Variants in CNTNAP2 observed in about 807,000 individuals in gnomAD.
The protein encoded by CNTNAP2 is contactin associated protein 2.
Under a neutral mutation model 155.2 loss-of-function variants are expected in CNTNAP2, and 98 were observed. That is an observed-to-expected ratio of 0.63 (90% confidence interval 0.54 to 0.75). The LOEUF is 0.75. CNTNAP2 is among the 30% of genes least tolerant of loss of function. The probability of loss-of-function intolerance (pLI) is 0.00; values close to 1 mark genes in which losing one functional copy is unlikely to be tolerated. For missense variants in CNTNAP2, 1,727 were observed against 1,688.1 expected, an observed-to-expected ratio of 1.02 and a Z score of -0.40; for synonymous variants, 651 against 631.2, an observed-to-expected ratio of 1.03 and a Z score of -0.47.
intron 15 of CNTNAP2, among the ~76,000 whole-genome samples, chr7:148,057,632 A>G (rs1230028322): frequency 1.3e-5 from 2 of 152,206 alleles, no homozygotes; most frequent in African/African-American, 4.8e-5. Context: ...AATTGTGAAT[A>G]ATAGAGAAGA....
intron 12 of CNTNAP2, among the ~76,000 whole-genome samples, chr7:147,608,086 A>G (rs1801106518): frequency 6.6e-6 from 1 of 152,046 alleles, no homozygotes; most frequent in Non-Finnish European, 1.5e-5. Flanking sequence ...GGCCTAGAAC[A>G]GTGCTTGGAA....
intron 3 of CNTNAP2, among the ~76,000 whole-genome samples, chr7:146,974,651 A>G (rs978801077): frequency 3.9e-5 from 6 of 152,172 alleles, no homozygotes; most frequent in Admixed American, 2.0e-4. Flanking sequence ...TAGTAAAAGC[A>G]TATTGATGTT....
chr7:146,512,209 C>G (rs984422347), intron 1 of CNTNAP2, among the ~76,000 whole-genome samples: 11 of 151,082 alleles, frequency 7.3e-5, no homozygotes, highest in Admixed American at 2.0e-4. Flanking sequence ...AAAGCTTTGT[C>G]AATTTTGATT....
At chr7:148,319,860 GTAA>G (rs989509882) in intron 21 of CNTNAP2, among the ~76,000 whole-genome samples, 4 of 151,610 alleles carry the variant, frequency 2.6e-5, no homozygotes, top group African/African-American at 9.7e-5. Context: ...ATATTACAAT[GTAA>G]TAATAATAAT....
chr7:146,954,438 G>A (rs1321396392), intron 3 of CNTNAP2, among the ~76,000 whole-genome samples: 1 of 151,880 alleles, frequency 6.6e-6, no homozygotes, highest in Non-Finnish European at 1.5e-5. Flanking sequence ...AGGAAGCAAT[G>A]AACTATAATG....
chr7:146,762,546 C>T (rs1287272466), intron 1 of CNTNAP2, among the ~76,000 whole-genome samples: 1 of 152,140 alleles, frequency 6.6e-6, no homozygotes, highest in Admixed American at 6.5e-5. Flanking sequence ...TTGCAGTGAG[C>T]TGAGATCGTG....
chr7:147,761,541 T>C (rs1386950168), intron 13 of CNTNAP2, among the ~76,000 whole-genome samples: 1 of 152,190 alleles, frequency 6.6e-6, no homozygotes, highest in East Asian at 1.9e-4. Flanking sequence ...TGCCATTAAT[T>C]CATCCAACCC....
chr7:147,273,608 G>A lies in CNTNAP2; in HGVS notation c.1349-26533G>A, dbSNP rs1804814035. Among the ~76,000 whole-genome samples, 4 of 151,866 alleles carry A rather than the reference G, an allele frequency of 2.6e-5. No individual in the cohort carries two copies. In the South Asian group the frequency reaches 8.3e-4, roughly 31 times the overall value. ...TCTCACTTATAAGTAAGAACATGAAGTATTTGATTTTCTATTTCTGAGTTA... is the reference window on the plus strand; with the variant it reads ...TCTCACTTATAAGTAAGAACATGAAATATTTGATTTTCTATTTCTGAGTTA... On this transcript the variant is annotated intron_variant, in intron 8 of 23. Transcript: ENST00000361727.
intron 1 of CNTNAP2, among the ~76,000 whole-genome samples, chr7:146,718,695 C>A (rs927529514): frequency 6.6e-6 from 1 of 152,162 alleles, no homozygotes; most frequent in Non-Finnish European, 1.5e-5. Context: ...GTTCTCTCTT[C>A]TCAGTATTAG....
At chr7:146,731,785 T>A (rs1801530161) in intron 1 of CNTNAP2, among the ~76,000 whole-genome samples, 1 of 152,224 alleles carries the variant, frequency 6.6e-6, no homozygotes. Flanking sequence ...GGCATAGGTT[T>A]TGTTCTGCAC....
intron 14 of CNTNAP2, among the ~76,000 whole-genome samples, chr7:147,946,677 G>A (rs1032754328): frequency 3.3e-5 from 5 of 152,012 alleles, no homozygotes; most frequent in Non-Finnish European, 4.4e-5. Context: ...AGAAGAGTAC[G>A]TGAGAAGGAA....
intron 10 of CNTNAP2, among the ~76,000 whole-genome samples, chr7:147,422,144 T>C (rs942171663): frequency 6.8e-6 from 1 of 147,902 alleles, no homozygotes; most frequent in East Asian, 1.9e-4. Context: ...TATATATATA[T>C]AGTATGTATA....
At chr7:146,977,649 A>G (rs1797937154) in intron 3 of CNTNAP2, among the ~76,000 whole-genome samples, 1 of 152,232 alleles carries the variant, frequency 6.6e-6, no homozygotes, top group African/African-American at 2.4e-5. Flanking sequence ...ATAAACTCTT[A>G]AATAATATGC....
intron 5 of CNTNAP2, among the ~76,000 whole-genome samples, chr7:147,115,425 T>A (rs1469155134): frequency 1.3e-5 from 2 of 152,190 alleles, no homozygotes; most frequent in African/African-American, 4.8e-5. Flanking sequence ...CCAACTTGAT[T>A]CCATTCTCCC....
At chr7:146,856,289 G>GATACATAC (rs1360164526) in intron 3 of CNTNAP2, among the ~76,000 whole-genome samples, 20 of 64,408 alleles carry the variant, frequency 3.1e-4, no homozygotes, top group African/African-American at 1.4e-3. Flanking sequence ...TAGATAGATA[G>GATACATAC]ATAGATAGAT....
chr7:148,078,608 G>A (rs950187870), intron 15 of CNTNAP2, among the ~76,000 whole-genome samples: 2 of 152,088 alleles, frequency 1.3e-5, no homozygotes, highest in African/African-American at 4.8e-5. Context: ...AGCCTCCTGA[G>A]TAGTTGGGAT....
At chr7:148,293,357 A>G (rs1437021310) in intron 21 of CNTNAP2, among the ~76,000 whole-genome samples, 1 of 152,204 alleles carries the variant, frequency 6.6e-6, no homozygotes, top group Non-Finnish European at 1.5e-5. Flanking sequence ...CTTCTGGTAT[A>G]TGGATATGTC....
intron 8 of CNTNAP2, among the ~76,000 whole-genome samples, chr7:147,290,929 A>T (rs924634025): frequency 1.3e-5 from 2 of 152,150 alleles, no homozygotes; most frequent in South Asian, 4.1e-4. Flanking sequence ...TGAATCTGCA[A>T]ATAATAAGGA....
At chr7:146,933,184 A>G (rs1378232041) in intron 3 of CNTNAP2, among the ~76,000 whole-genome samples, 4 of 151,862 alleles carry the variant, frequency 2.6e-5, no homozygotes, top group South Asian at 4.1e-4. Flanking sequence ...CTGACTTCAA[A>G]GTATACTATA....
Sources: allele counts gnomAD v4.1 joint callset (sites outside exome capture counted in the v4.1 genomes callset), GRCh38; gene constraint gnomAD v4.1.1; transcripts MANE v1.5; gene names NCBI Gene and HGNC (gene_info 2026-07-23, HGNC 2026-07-21).